RARB: variants seen among roughly 807,000 people sequenced by gnomAD.
RARB encodes retinoic acid receptor beta, also known as HBV-activated protein.
RARB carries 17 observed loss-of-function variants against 51.9 expected under a neutral mutation model. That is an observed-to-expected ratio of 0.33 (90% CI 0.22 to 0.49). RARB has a LOEUF of 0.49. RARB is among the 20% of genes least tolerant of loss of function. The pLI is 0.99. For missense variants in RARB, 369 were observed against 550.8 expected (o/e 0.67, Z 3.30); for synonymous variants, 215 against 195.4 (o/e 1.10, Z -0.84).
intron 3 of RARB, among the ~76,000 whole-genome samples, chr3:25,116,002 A>G (rs1017263572): frequency 1.3e-5 from 2 of 152,150 alleles, no homozygotes; most frequent in African/African-American, 4.8e-5. Flanking sequence ...TCCCACAGAT[A>G]ATTTCAAGAT....
At chr3:24,837,887 T>C (rs891630023) in intron 1 of RARB, among the ~76,000 whole-genome samples, 1 of 152,210 alleles carries the variant, frequency 6.6e-6, no homozygotes, top group Non-Finnish European at 1.5e-5. Context: ...CTTAACACAT[T>C]AACACAAAAT....
intron 3 of RARB, among the ~76,000 whole-genome samples, chr3:25,096,635 C>T (rs774073335): frequency 5.3e-5 from 8 of 152,074 alleles, no homozygotes; most frequent in African/African-American, 7.2e-5. Context: ...GCAATCAAAA[C>T]GCTGAGGAAG....
intron 5 of RARB, among the ~76,000 whole-genome samples, chr3:25,395,910 T>C (rs115111466): frequency 0.018 from 2,730 of 152,306 alleles, 76 homozygotes; most frequent in African/African-American, 0.059. Context: ...ACTAGTGTGA[T>C]CTTTGTGGGG....
At chr3:25,185,109 G>T (rs1389451430) in intron 5 of RARB, among the ~76,000 whole-genome samples, 1 of 152,058 alleles carries the variant, frequency 6.6e-6, no homozygotes, top group Non-Finnish European at 1.5e-5. Context: ...TTAGGCATAT[G>T]GAAGTTTTCA....
chr3:25,454,142 T>G (rs1269735619), intron 1 of RARB, among the ~76,000 whole-genome samples: 3 of 152,206 alleles, frequency 2.0e-5, no homozygotes, highest in African/African-American at 7.2e-5. Flanking sequence ...TAAATTACAT[T>G]TTACTAAAAT....
intron 5 of RARB, among the ~76,000 whole-genome samples, chr3:25,419,699 T>C (rs1707806352): frequency 2.0e-5 from 3 of 152,206 alleles, no homozygotes; most frequent in Admixed American, 2.0e-4. Flanking sequence ...TGTGAAGCCC[T>C]GGAAGCACCA....
intron 5 of RARB, among the ~76,000 whole-genome samples, chr3:25,216,290 T>G (rs1457726907): frequency 6.6e-6 from 1 of 152,202 alleles, no homozygotes; most frequent in East Asian, 1.9e-4. Flanking sequence ...TTTATACTTT[T>G]ATCAGCCAAA....
At chr3:24,874,988 A>G (rs917941316) in intron 2 of RARB, among the ~76,000 whole-genome samples, 6 of 152,126 alleles carry the variant, frequency 3.9e-5, no homozygotes, top group Non-Finnish European at 7.4e-5. Context: ...GCTTATTAAT[A>G]TCTTTACCTC....
chr3:25,561,569 A>T (rs369027307), intron 3 of RARB, among the ~76,000 whole-genome samples: 53 of 151,888 alleles, frequency 3.5e-4, no homozygotes, highest in African/African-American at 1.2e-3. Flanking sequence ...CTCCAGATTG[A>T]TCTAGTGTGG....
At chr3:24,854,217 G>C (rs1038022963) in intron 1 of RARB, among the ~76,000 whole-genome samples, 4 of 152,112 alleles carry the variant, frequency 2.6e-5, no homozygotes, top group African/African-American at 9.7e-5. Context: ...ACTCTCCTTG[G>C]ACTTCTTTGG....
At chr3:25,006,295 C>T (rs963376391) in intron 2 of RARB, among the ~76,000 whole-genome samples, 1 of 152,158 alleles carries the variant, frequency 6.6e-6, no homozygotes, top group African/African-American at 2.4e-5. Context: ...TTCATACTCT[C>T]TCAATACTTG....
chr3:24,909,926 T>G lies in RARB; in HGVS notation c.-380+51174T>G, dbSNP rs1322514245. On this transcript the variant is annotated intron_variant, in intron 2 of 11. Coordinates refer to the RARB transcript ENST00000383772. ...GTGTGTTTGTATTTATTCTCCACAGTAAAGTGTCGAATTTCTATATATTTT... is the reference window on the plus strand; with the variant it reads ...GTGTGTTTGTATTTATTCTCCACAGGAAAGTGTCGAATTTCTATATATTTT... 2.0e-5 allele frequency among the ~76,000 whole-genome samples: 3 copies of G among 152,306 alleles called. No homozygotes were observed. In the South Asian group the frequency reaches 6.2e-4, roughly 32 times the overall value.
chr3:25,406,935 G>A (rs1416514838), intron 5 of RARB, among the ~76,000 whole-genome samples: 1 of 152,146 alleles, frequency 6.6e-6, no homozygotes, highest in South Asian at 2.1e-4. Context: ...TTGTTTTGAT[G>A]CCTCTAAGTT....
intron 4 of RARB, among the ~76,000 whole-genome samples, chr3:25,145,783 G>A (rs947754332): frequency 2.0e-5 from 3 of 152,014 alleles, no homozygotes; most frequent in African/African-American, 7.2e-5. Context: ...CTCACCTGAG[G>A]TCAGGAGTTC....
At chr3:25,299,844 G>C (rs1703999122) in intron 5 of RARB, among the ~76,000 whole-genome samples, 1 of 152,180 alleles carries the variant, frequency 6.6e-6, no homozygotes, top group African/African-American at 2.4e-5. Flanking sequence ...TATCTTTCCT[G>C]TTCAAGAGTA....
At chr3:25,406,676 T>C (rs1707418012) in intron 5 of RARB, among the ~76,000 whole-genome samples, 1 of 152,220 alleles carries the variant, frequency 6.6e-6, no homozygotes, top group African/African-American at 2.4e-5. Flanking sequence ...CACTGGAGGT[T>C]GGGACTTCAG....
chr3:25,181,576 T>C (rs1700862108), intron 5 of RARB, among the ~76,000 whole-genome samples: 1 of 152,142 alleles, frequency 6.6e-6, no homozygotes, highest in African/African-American at 2.4e-5. Context: ...TTGCAAATAA[T>C]AAAGAAGTGC....
intron 5 of RARB, among the ~76,000 whole-genome samples, chr3:25,258,212 C>G (rs1350150199): frequency 6.6e-6 from 1 of 152,040 alleles, no homozygotes; most frequent in South Asian, 2.1e-4. Flanking sequence ...TTCCATGTTT[C>G]TATGTGGCAC....
intron 2 of RARB, among the ~76,000 whole-genome samples, chr3:24,939,307 C>A (rs567312005): frequency 6.6e-6 from 1 of 152,294 alleles, no homozygotes; most frequent in East Asian, 1.9e-4. Flanking sequence ...TTGAGTCCCT[C>A]CTTTCAATTC....
Sources: allele counts gnomAD v4.1 joint callset (sites outside exome capture counted in the v4.1 genomes callset), GRCh38; gene constraint gnomAD v4.1.1; transcripts MANE v1.5; gene names NCBI Gene and HGNC (gene_info 2026-07-23, HGNC 2026-07-21).